The following SHISA9 variants were observed in gnomAD, a reference collection of about 807,000 sequenced individuals.
SHISA9 encodes the protein shisa family member 9, also known as protein shisa-9.
A neutral mutation model predicts 38.0 loss-of-function variants in SHISA9; 13 were observed. The observed-to-expected ratio is 0.34, with a 90% CI of 0.22 to 0.54. The LOEUF (loss-of-function observed/expected upper bound fraction) is 0.54. Among genes scored for constraint, SHISA9 ranks in the 20% least tolerant of loss-of-function variants. The pLI, the probability that SHISA9 is intolerant of heterozygous loss-of-function variation, is 0.91. For missense variants in SHISA9, 538 were observed against 575.8 expected, an observed-to-expected ratio of 0.93 and a Z score of 0.67; for synonymous variants, 275 against 242.0, an observed-to-expected ratio of 1.14 and a Z score of -1.27.
At chr16:13,015,862 C>CTTTCTTTCTT (rs1353007007) in intron 2 of SHISA9, among the ~76,000 whole-genome samples, 15 of 44,578 alleles carry the variant, frequency 3.4e-4, no homozygotes, top group East Asian at 1.4e-3. Context: ...CCCTTTCTTT[C>CTTTCTTTCTT]TTTCTTTCTT....
the SHISA9 span, among the ~76,000 whole-genome samples, chr16:13,523,050 A>C: frequency 2.0e-5 from 3 of 152,162 alleles, no homozygotes; most frequent in African/African-American, 7.2e-5. Context: ...TGTCATTTAA[A>C]AAAATGGAAG....
At chr16:13,528,475 AC>A in the SHISA9 span, among the ~76,000 whole-genome samples, 1 of 152,220 alleles carries the variant, frequency 6.6e-6, no homozygotes. Context: ...TTATTCTAAA[AC>A]AAAAATTGTT....
chr16:13,471,411 A>T, the SHISA9 span, among the ~76,000 whole-genome samples: 1 of 152,332 alleles, frequency 6.6e-6, no homozygotes, highest in Non-Finnish European at 1.5e-5. Context: ...GTTTTAAATT[A>T]TTCGAGTTTT....
intron 2 of SHISA9, among the ~76,000 whole-genome samples, chr16:13,052,928 G>C (rs913498286): frequency 1.4e-5 from 2 of 147,326 alleles, no homozygotes; most frequent in Non-Finnish European, 3.0e-5. Flanking sequence ...TACCAACAAA[G>C]AAATCCTTTA....
At chr16:13,070,307 TCTCTC>T (rs2073498243) in intron 2 of SHISA9, among the ~76,000 whole-genome samples, 1 of 152,084 alleles carries the variant, frequency 6.6e-6, no homozygotes, top group Non-Finnish European at 1.5e-5. Flanking sequence ...CCTCTCTCTT[TCTCTC>T]CTCCTTCCGT....
intron 3 of SHISA9, among the ~76,000 whole-genome samples, chr16:13,212,775 G>A (rs2051132885): frequency 6.6e-6 from 1 of 152,186 alleles, no homozygotes; most frequent in Non-Finnish European, 1.5e-5. Context: ...AGTCAGTAGA[G>A]CCTGTCCCAA....
At chr16:12,961,146 C>G (rs1199151742) in intron 2 of SHISA9, among the ~76,000 whole-genome samples, 3 of 152,190 alleles carry the variant, frequency 2.0e-5, no homozygotes, top group Non-Finnish European at 4.4e-5. Context: ...TGGGAATGAC[C>G]AGCTGAAGGA....
At chr16:13,226,073 A>G (rs532193165) in intron 4 of SHISA9, among the ~76,000 whole-genome samples, 2 of 152,300 alleles carry the variant, frequency 1.3e-5, no homozygotes, top group South Asian at 2.1e-4. Context: ...AGACTGTTCA[A>G]TGAATCTGTT....
intron 2 of SHISA9, among the ~76,000 whole-genome samples, chr16:13,079,135 T>C (rs1008988032): frequency 3.3e-5 from 5 of 152,154 alleles, no homozygotes; most frequent in African/African-American, 9.7e-5. Flanking sequence ...ATGGAACCTA[T>C]GTGAAATGCC....
At chr16:13,036,076 G>C (rs1001046891) in intron 2 of SHISA9, among the ~76,000 whole-genome samples, 1 of 152,136 alleles carries the variant, frequency 6.6e-6, no homozygotes, top group African/African-American at 2.4e-5. Context: ...AGAAGAGTTT[G>C]GTTGTTTTTA....
chr16:12,982,850 G>A (rs548506004), intron 2 of SHISA9, among the ~76,000 whole-genome samples: 5 of 152,266 alleles, frequency 3.3e-5, no homozygotes, highest in South Asian at 4.1e-4. Context: ...ATAAATAAAC[G>A]AGGACATTAT....
chr16:13,015,803 CTTTAAG>C (rs2072735669), intron 2 of SHISA9, among the ~76,000 whole-genome samples: 1 of 151,254 alleles, frequency 6.6e-6, no homozygotes, highest in Non-Finnish European at 1.5e-5. Flanking sequence ...TTCTTTCTTT[CTTTAAG>C]TTTGTTTGTT....
the SHISA9 span, among the ~76,000 whole-genome samples, chr16:13,267,609 T>C: frequency 6.6e-6 from 1 of 152,188 alleles, no homozygotes; most frequent in East Asian, 1.9e-4. Context: ...TTATTTATAA[T>C]GTTGAAAAGG....
At chr16:13,556,478 G>A in the SHISA9 span, among the ~76,000 whole-genome samples, 1 of 152,008 alleles carries the variant, frequency 6.6e-6, no homozygotes, top group South Asian at 2.1e-4. Context: ...GGCTAACATG[G>A]TGAAACCCCG....
intron 3 of SHISA9, among the ~76,000 whole-genome samples, chr16:13,207,067 C>T (rs916583437): frequency 2.0e-5 from 3 of 152,164 alleles, no homozygotes; most frequent in South Asian, 2.1e-4. Context: ...AGTTGAAGAC[C>T]GGCTTGGCCA....
chr16:13,074,329 C>A (rs1246997898), intron 2 of SHISA9, among the ~76,000 whole-genome samples: 1 of 151,998 alleles, frequency 6.6e-6, no homozygotes, highest in Non-Finnish European at 1.5e-5. Context: ...CACAGAAAAC[C>A]AATACAAAGC....
chr16:13,420,724 G>A, the SHISA9 span, among the ~76,000 whole-genome samples: 1 of 152,278 alleles, frequency 6.6e-6, no homozygotes, highest in Admixed American at 6.5e-5. Flanking sequence ...TGGAATTGGA[G>A]GGCTGACTGG....
chr16:13,432,237 A>G, the SHISA9 span, among the ~76,000 whole-genome samples: 1 of 152,214 alleles, frequency 6.6e-6, no homozygotes, highest in Non-Finnish European at 1.5e-5. Flanking sequence ...TACACTTCCA[A>G]GTTCAGAAGA....
intron 2 of SHISA9, among the ~76,000 whole-genome samples, chr16:12,984,116 C>T (rs976409322): frequency 1.3e-5 from 2 of 151,980 alleles, no homozygotes; most frequent in Admixed American, 6.5e-5. Context: ...GTTTTTCAGC[C>T]CAGGGGCCCC....
Sources: allele counts gnomAD v4.1 joint callset (sites outside exome capture counted in the v4.1 genomes callset), GRCh38; gene constraint gnomAD v4.1.1; transcripts MANE v1.5; gene names NCBI Gene and HGNC (gene_info 2026-07-23, HGNC 2026-07-21).